RARB: variants seen among roughly 807,000 people sequenced by gnomAD.
The protein encoded by RARB is retinoic acid receptor beta, also known as HBV-activated protein.
In RARB, 17 loss-of-function variants were observed where a neutral mutation model predicts 51.9. The observed-to-expected ratio is 0.33, with a 90% CI of 0.22 to 0.49. RARB has a LOEUF of 0.49. Among genes scored for constraint, RARB ranks in the 20% least tolerant of loss-of-function variants. The pLI, the probability that RARB is intolerant of heterozygous loss-of-function variation, is 0.99. For missense variants in RARB, 369 were observed against 550.8 expected, an observed-to-expected ratio of 0.67 and a Z score of 3.30; for synonymous variants, 215 against 195.4, an observed-to-expected ratio of 1.10 and a Z score of -0.84.
chr3:25,420,613 C>G (rs1707831664), intron 5 of RARB, among the ~76,000 whole-genome samples: 3 of 152,166 alleles, frequency 2.0e-5, no homozygotes, highest in Admixed American at 2.0e-4. Flanking sequence ...AGAAGTTTTA[C>G]TTTTGTCCCT....
chr3:25,011,524 C>T (rs1697394273), intron 2 of RARB, among the ~76,000 whole-genome samples: 1 of 152,084 alleles, frequency 6.6e-6, no homozygotes, highest in African/African-American at 2.4e-5. Flanking sequence ...CCTCTTCTGT[C>T]TCCATTTTAT....
chr3:25,586,652 C>T lies in RARB; in HGVS notation c.786+5930C>T, dbSNP rs894403026. 3.3e-5 allele frequency among the ~76,000 whole-genome samples: 5 copies of T among 152,188 alleles called. No individual in the cohort carries two copies. The South Asian group carries it at 8.3e-4, about 25-fold the overall frequency. On this transcript the variant is annotated intron_variant, in intron 5 of 7. Transcript: ENST00000330688. ...CACAGCAGCACCCTCCTTCTGGTGA[C>T]GCAAAAGTGACGGCCTGTGTGACTT...
intron 5 of RARB, among the ~76,000 whole-genome samples, chr3:25,365,376 T>A (rs1706086710): frequency 6.6e-6 from 1 of 151,858 alleles, no homozygotes; most frequent in South Asian, 2.1e-4. Flanking sequence ...CCTCTCAAAG[T>A]ACTGGGATTA....
chr3:25,404,319 C>G (rs921394782), intron 5 of RARB, among the ~76,000 whole-genome samples: 3 of 152,158 alleles, frequency 2.0e-5, no homozygotes, highest in Non-Finnish European at 4.4e-5. Context: ...GTTAGCTTAA[C>G]TGGACTGGAG....
rs71057692 is a variant in RARB, at chr3:24,958,255, G to GTTTTT, written c.-380+99533_-380+99537dup. 2.3e-3 allele frequency among the ~76,000 whole-genome samples: 162 copies of GTTTTT among 69,448 alleles called. 17 individuals are homozygous for GTTTTT. Among genetic ancestry groups the GTTTTT allele is most frequent in the East Asian group, 0.016 (30 of 1,926 alleles). The allele number at this position is 69,448 out of a possible 152,430, so 45.6% of individuals were successfully genotyped here. ...ACCTGAAGCTTCCTGAGCTGCTCAG[G>GTTTTT]TTTTTTTTTTTTTTTTTTTTTTTTT... On this transcript the variant is annotated intron_variant, in intron 2 of 11. Transcript: ENST00000383772.
intron 2 of RARB, among the ~76,000 whole-genome samples, chr3:25,498,270 C>A (rs534020797): frequency 3.0e-4 from 45 of 152,202 alleles, no homozygotes; most frequent in African/African-American, 1.1e-3. Flanking sequence ...CCCCCACCCC[C>A]TACCCGCCAC....
upstream of RARB, among the ~76,000 whole-genome samples, chr3:25,426,285 C>T (rs1341459553): frequency 6.6e-6 from 1 of 152,114 alleles, no homozygotes; most frequent in African/African-American, 2.4e-5. Context: ...AAATGATGGC[C>T]ATATAAAAGA....
Position 25,461,277 on chromosome 3 carries a change from G to C in RARB, c.242G>C (p.Cys81Ser). 6.2e-7 allele frequency: 1 copy of C among 1,613,670 alleles called. No individual in the cohort carries two copies. The highest frequency in any genetic ancestry group is 1.1e-5 in the South Asian group (1 of 91,050). Residue 81 changes from cysteine to serine, a missense_variant, in exon 2 of 8, where the codon TGC (cysteine) becomes TCC (serine). Physicochemically the swap from Cys to Ser is moderately radical, Grantham distance 112. Transcript: ENST00000330688. ...CCTCCCCCTCGAGTGTACAAACCCT[G>C]CTTCGTCTGCCAGGACAAATCATCA... ...PLPPPRVYKP[C>S]FVCQDKSSGY...
At chr3:24,938,217 C>T (rs1326546846) in intron 2 of RARB, among the ~76,000 whole-genome samples, 1 of 152,140 alleles carries the variant, frequency 6.6e-6, no homozygotes, top group Non-Finnish European at 1.5e-5. Context: ...GAAATTGACA[C>T]TTTTATATGT....
At chr3:25,210,383 A>C (rs894937344) in intron 5 of RARB, among the ~76,000 whole-genome samples, 1 of 152,102 alleles carries the variant, frequency 6.6e-6, no homozygotes, top group African/African-American at 2.4e-5. Context: ...TCCATTGTGT[A>C]TGCAGCCTAC....
At chr3:25,248,257 G>A (rs1451466239) in intron 5 of RARB, among the ~76,000 whole-genome samples, 2 of 152,094 alleles carry the variant, frequency 1.3e-5, no homozygotes, top group Middle Eastern at 3.4e-3. Flanking sequence ...CAATCTATAT[G>A]TCTTTAAGGT....
intron 5 of RARB, among the ~76,000 whole-genome samples, chr3:25,414,654 G>C (rs551943284): frequency 6.6e-6 from 1 of 152,136 alleles, no homozygotes; most frequent in Non-Finnish European, 1.5e-5. Flanking sequence ...TACCTAATTA[G>C]CATTTACCTA....
chr3:25,414,500 G>T (rs1451090881), intron 5 of RARB, among the ~76,000 whole-genome samples: 1 of 152,176 alleles, frequency 6.6e-6, no homozygotes, highest in African/African-American at 2.4e-5. Flanking sequence ...GTTCAAACTG[G>T]TTTATGATTT....
At chr3:25,146,300 C>G (rs749352637) in intron 4 of RARB, among the ~76,000 whole-genome samples, 1 of 152,010 alleles carries the variant, frequency 6.6e-6, no homozygotes, top group East Asian at 1.9e-4. Context: ...TAGAATGGGC[C>G]AGATAGTAAA....
chr3:25,057,217 G>C (rs936677961), intron 2 of RARB, among the ~76,000 whole-genome samples: 4 of 152,004 alleles, frequency 2.6e-5, no homozygotes, highest in South Asian at 4.1e-4. Context: ...AGCCCGTGTT[G>C]GCAGTCATAA....
At chr3:25,253,787 C>T (rs187861460) in intron 5 of RARB, among the ~76,000 whole-genome samples, 8 of 152,224 alleles carry the variant, frequency 5.3e-5, no homozygotes, top group Non-Finnish European at 8.8e-5. Context: ...TTATTTGAAG[C>T]GTACTAAAAG....
chr3:24,993,946 A>C (rs748406206), intron 2 of RARB, among the ~76,000 whole-genome samples: 1 of 152,148 alleles, frequency 6.6e-6, no homozygotes, highest in Non-Finnish European at 1.5e-5. Context: ...GGCTATTGTG[A>C]ATAGTGCTGC....
At chr3:25,542,700 C>T (rs902399318) in intron 3 of RARB, among the ~76,000 whole-genome samples, 1 of 152,202 alleles carries the variant, frequency 6.6e-6, no homozygotes, top group Non-Finnish European at 1.5e-5. Flanking sequence ...TCCTCTGTTC[C>T]CTTGTGCAAT....
chr3:25,218,004 T>A (rs533040748), intron 5 of RARB, among the ~76,000 whole-genome samples: 5 of 152,340 alleles, frequency 3.3e-5, no homozygotes, highest in Non-Finnish European at 7.3e-5. Context: ...CTCTACTCTT[T>A]TTTGTTTTCA....
Sources: gnomAD v4.1 joint callset for allele counts (sites outside exome capture counted in the v4.1 genomes callset) on GRCh38, gnomAD v4.1.1 for gene constraint, MANE v1.5 for transcripts, NCBI Gene and HGNC (gene_info 2026-07-23, HGNC 2026-07-21) for gene names.